Variants in ABCD2 observed in about 807,000 individuals in gnomAD.
ABCD2 encodes the protein ATP-binding cassette sub-family D member 2.
ABCD2 carries 36 observed loss-of-function variants against 70.9 expected under a neutral mutation model. The ratio of observed to expected loss-of-function variants is 0.51; its 90% CI spans 0.39 to 0.67. The LOEUF (loss-of-function observed/expected upper bound fraction) is 0.67, where lower values mean the gene tolerates loss of function less well. ABCD2 is among the 30% of genes least tolerant of loss of function. ABCD2 has a pLI of 0.00. For synonymous variants in ABCD2, 304 were observed against 306.9 expected, an observed-to-expected ratio of 0.99 and a Z score of 0.10; for missense variants, 729 against 890.2, an observed-to-expected ratio of 0.82 and a Z score of 2.30.
intron 1 of ABCD2, among the ~76,000 whole-genome samples, chr12:39,618,012 T>C (rs1289560785): frequency 6.6e-6 from 1 of 150,772 alleles, no homozygotes; most frequent in African/African-American, 2.5e-5. Flanking sequence ...CCTCATTTCT[T>C]CTCTAATTTC....
chr12:39,568,049 GC>G (rs1176760199), intron 9 of ABCD2, among the ~76,000 whole-genome samples: 1 of 151,906 alleles, frequency 6.6e-6, no homozygotes, highest in Admixed American at 6.5e-5. Flanking sequence ...CTCTCTGGCT[GC>G]CCTTAACATT....
intron 9 of ABCD2, among the ~76,000 whole-genome samples, chr12:39,560,996 A>T (rs1490285518): frequency 6.6e-6 from 1 of 152,148 alleles, no homozygotes; most frequent in East Asian, 1.9e-4. Flanking sequence ...AAAGGAAGAA[A>T]ATATCTACAA....
intron 9 of ABCD2, among the ~76,000 whole-genome samples, chr12:39,564,843 C>A (rs1941318788): frequency 6.6e-6 from 1 of 152,184 alleles, no homozygotes; most frequent in Non-Finnish European, 1.5e-5. Flanking sequence ...CAGCTTTCTA[C>A]TTATGGCTAG....
chr12:39,585,590 A>G lies in ABCD2; in HGVS notation c.1792+562T>C, dbSNP rs534378408. Among the ~76,000 whole-genome samples, 38 of 152,242 alleles carry G rather than the reference A, an allele frequency of 2.5e-4. No homozygotes were observed. In the East Asian group the frequency reaches 6.4e-3, roughly 26 times the overall value. On this transcript the variant is annotated intron_variant, in intron 7 of 9. Transcript: ENST00000308666. Reference sequence around the variant, plus strand: ...AAGTATCACTAAACACAGAAAGAGTATTATTAGACAATAATTCTATTTTAA... The same window carrying G: ...AAGTATCACTAAACACAGAAAGAGTGTTATTAGACAATAATTCTATTTTAA...
intron 6 of ABCD2, among the ~76,000 whole-genome samples, chr12:39,595,306 T>A (rs781427769): frequency 1.3e-5 from 2 of 152,196 alleles, no homozygotes; most frequent in African/African-American, 2.4e-5. Context: ...ACAGAAGATT[T>A]GTATTCAAAG....
intron 6 of ABCD2, among the ~76,000 whole-genome samples, chr12:39,589,638 C>T (rs1487748939): frequency 6.6e-6 from 1 of 152,048 alleles, no homozygotes; most frequent in Non-Finnish European, 1.5e-5. Context: ...CCGCCCACCT[C>T]GGCCTCCCAA....
rs748233937 is a variant in ABCD2 at position 39,604,025 on chromosome 12, G to A, written c.1406-19C>T. On this transcript the variant is annotated intron_variant, in intron 4 of 9. Transcript: ENST00000308666. ...ACTTTTCCTGTAATTAAGAAAAAGT[G>A]TAAGATACAAACATTATCACAGGTT... 1 of 1,517,328 alleles carries A rather than the reference G, an allele frequency of 6.6e-7. No homozygotes were observed. The highest frequency in any genetic ancestry group is 9.1e-7 in the Non-Finnish European group (1 of 1,094,690). 94.0% of individuals were successfully genotyped at this position (1,517,328 alleles called of 1,614,324 possible). A position where few individuals can be genotyped will look rare whatever the true frequency, so the allele number is the denominator to read the frequency against.
At chr12:39,617,307 G>T in intron 1 of ABCD2, 139 bp from the exon 2 acceptor site, 1 of 490,552 alleles carries the variant, frequency 2.0e-6, no homozygotes. Context: ...ATTTAGTTTT[G>T]GTCACATGTG....
downstream of ABCD2, among the ~76,000 whole-genome samples, chr12:39,549,224 G>T (rs1479167066): frequency 6.6e-6 from 1 of 151,924 alleles, no homozygotes; most frequent in African/African-American, 2.4e-5. Context: ...AGATTGTGAA[G>T]CCCAAAAGTG....
At chr12:39,576,361 A>G (rs1941517146) in intron 8 of ABCD2, among the ~76,000 whole-genome samples, 1 of 151,994 alleles carries the variant, frequency 6.6e-6, no homozygotes, top group African/African-American at 2.4e-5. Context: ...GGGTTTCACT[A>G]TGTTGGCCAG....
At chr12:39,549,116 A>G (rs960862928), downstream of ABCD2, among the ~76,000 whole-genome samples, 1 of 152,004 alleles carries the variant, frequency 6.6e-6, no homozygotes, top group Admixed American at 6.6e-5. Flanking sequence ...TTTCAAGACA[A>G]CATGCTAAAT....
chr12:39,612,112 T>G (rs1942053002), intron 2 of ABCD2, among the ~76,000 whole-genome samples: 1 of 152,174 alleles, frequency 6.6e-6, no homozygotes, highest in Admixed American at 6.5e-5. Flanking sequence ...ATAGAACCCT[T>G]ACACATTGCT....
At position 39,553,768 on chromosome 12, in the gene ABCD2, T is replaced by C; in HGVS notation, c.*144A>G. The C allele has an allele frequency of 4.7e-6, 3 of 635,828 alleles. No homozygotes were observed. Among genetic ancestry groups the C allele is most frequent in the Non-Finnish European group, 2.7e-6 (1 of 375,052 alleles). 39.4% of individuals were successfully genotyped at this position (635,828 alleles called of 1,614,324 possible). The stretch of plus-strand genomic sequence containing the variant: ...TATTTTCTTCTGAAAAGTCAGATCA[T>C]ATACTTCCTTAATGCTAAAATCTTA... On this transcript the variant is annotated 3_prime_UTR_variant, in exon 10 of 10. Coordinates refer to ENST00000308666, the MANE Select transcript of ABCD2 (RefSeq NM_005164.4).
chr12:39,569,431 C>A (rs186923319), intron 9 of ABCD2, among the ~76,000 whole-genome samples: 10 of 152,276 alleles, frequency 6.6e-5, no homozygotes, highest in African/African-American at 2.4e-4. Context: ...GAGCCAGGCA[C>A]GGGATATAAT....
the ABCD2 span, among the ~76,000 whole-genome samples, chr12:39,544,384 A>G: frequency 6.6e-6 from 1 of 152,196 alleles, no homozygotes; most frequent in Non-Finnish European, 1.5e-5. Context: ...CTCGTAAACC[A>G]TAATTTCTAA....
At chr12:39,549,162 C>T (rs1482070357), downstream of ABCD2, among the ~76,000 whole-genome samples, 11 of 151,960 alleles carry the variant, frequency 7.2e-5, no homozygotes, top group East Asian at 2.1e-3. Flanking sequence ...ATGATATAGT[C>T]CTAAGGACTG....
the ABCD2 span, among the ~76,000 whole-genome samples, chr12:39,535,738 C>A: frequency 6.6e-6 from 1 of 152,094 alleles, no homozygotes; most frequent in African/African-American, 2.4e-5. Context: ...ACAAACTATG[C>A]CAAGTGTTTA....
intron 2 of ABCD2, among the ~76,000 whole-genome samples, chr12:39,615,831 T>C (rs1942107666): frequency 6.6e-6 from 1 of 152,140 alleles, no homozygotes; most frequent in East Asian, 1.9e-4. Flanking sequence ...CTTAATTCTG[T>C]ACAAAATAAC....
In ABCD2 at chr12:39,612,970, T is replaced by C. The variant is rs1166302168; in HGVS notation, c.1120+4018A>G. 3.3e-5 allele frequency among the ~76,000 whole-genome samples: 5 copies of C among 152,312 alleles called. No homozygotes were observed. In the East Asian group the frequency reaches 9.6e-4, roughly 29 times the overall value. ...GTGCTAGTAGCTTAGACACTCTTTT[T>C]TCCTGCCTGTTAGGTGTCTGTGATA... On this transcript the variant is annotated intron_variant, in intron 2 of 9. Transcript: ENST00000308666.
Sources: allele counts gnomAD v4.1 joint callset (sites outside exome capture counted in the v4.1 genomes callset), GRCh38; gene constraint gnomAD v4.1.1; transcripts MANE v1.5; gene names NCBI Gene and HGNC (gene_info 2026-07-23, HGNC 2026-07-21).